RHBDL2: variants seen among roughly 807,000 people sequenced by gnomAD.
The protein encoded by RHBDL2 is rhomboid like 2, also known as rhomboid-related protein 2.
RHBDL2 carries 26 observed loss-of-function variants against 31.7 expected under a neutral mutation model. That is an observed-to-expected ratio of 0.82 (90% CI 0.60 to 1.14). RHBDL2 has a LOEUF of 1.14. Ranked by LOEUF, RHBDL2 falls within the 50% of genes most tolerant of loss-of-function variation. The pLI is 0.00. For synonymous variants in RHBDL2, 123 were observed against 127.2 expected, an observed-to-expected ratio of 0.97 and a Z score of 0.22; for missense variants, 336 against 364.4, an observed-to-expected ratio of 0.92 and a Z score of 0.63.
At chr1:38,905,209 A>G (rs1019223300) in intron 4 of RHBDL2, among the ~76,000 whole-genome samples, 2 of 148,882 alleles carry the variant, frequency 1.3e-5, no homozygotes, top group Non-Finnish European at 3.0e-5. Flanking sequence ...CTGGCATTAC[A>G]AGCATGAGCC....
chr1:38,921,538 G>A (rs1210377808), intron 1 of RHBDL2, among the ~76,000 whole-genome samples: 2 of 152,104 alleles, frequency 1.3e-5, no homozygotes, highest in Non-Finnish European at 2.9e-5. Flanking sequence ...GCATGTTACT[G>A]GGAATCAGAT....
chr1:38,918,241 T>G (rs928923943), intron 2 of RHBDL2, among the ~76,000 whole-genome samples: 8 of 152,206 alleles, frequency 5.3e-5, no homozygotes, highest in African/African-American at 1.9e-4. Flanking sequence ...AGCTGAGGCA[T>G]CAGTGCATCA....
intron 3 of RHBDL2, among the ~76,000 whole-genome samples, chr1:38,913,178 T>C (rs144567658): frequency 0.05 from 7,589 of 151,924 alleles, 242 homozygotes; most frequent in Non-Finnish European, 0.062. Flanking sequence ...AGACGGGGTT[T>C]CACCATGTTG....
chr1:38,922,950 G>A (rs1179592746), intron 1 of RHBDL2, among the ~76,000 whole-genome samples: 1 of 152,018 alleles, frequency 6.6e-6, no homozygotes, highest in African/African-American at 2.4e-5. Context: ...AATTAGCTGG[G>A]CATGGTAGCA....
intron 1 of RHBDL2, among the ~76,000 whole-genome samples, chr1:38,927,309 C>T (rs1220332436): frequency 1.3e-5 from 2 of 152,150 alleles, no homozygotes; most frequent in Non-Finnish European, 2.9e-5. Flanking sequence ...CGCCTGTAGT[C>T]CCAGCTACTC....
chr1:38,891,466 A>T (rs1642853833), intron 6 of RHBDL2, among the ~76,000 whole-genome samples: 1 of 152,174 alleles, frequency 6.6e-6, no homozygotes, highest in Non-Finnish European at 1.5e-5. Context: ...AAGCAGACTG[A>T]CTGAAGACCC....
chr1:38,923,697 G>A (rs1208786003), intron 1 of RHBDL2, among the ~76,000 whole-genome samples: 1 of 152,188 alleles, frequency 6.6e-6, no homozygotes, highest in Non-Finnish European at 1.5e-5. Context: ...AAATATTCAA[G>A]CATCAACATC....
In RHBDL2 at chr1:38,935,994, C is replaced by A. The variant is rs1040991143; in HGVS notation, c.-126+5688G>T. Among the ~76,000 whole-genome samples, 6 of 152,078 alleles carry A rather than the reference C, an allele frequency of 3.9e-5. No homozygotes were observed. The East Asian group carries it at 1.2e-3, about 29-fold the overall frequency. On this transcript the variant is annotated intron_variant, in intron 1 of 7. Transcript: ENST00000372990. The stretch of plus-strand genomic sequence containing the variant: ...GTGATGCAAACCCAACTCACTGAAG[C>A]CTCGACCTCTTGGGCTCAAGATATC...
At chr1:38,929,590 C>A (rs1643417722) in intron 1 of RHBDL2, 6 of 1,280,224 alleles carry the variant, frequency 4.7e-6, no homozygotes, top group Admixed American at 4.6e-5. Flanking sequence ...AGGCAGGCCC[C>A]TGCCGGGGCT....
At chr1:38,893,661 G>T (rs992270541) in intron 5 of RHBDL2, among the ~76,000 whole-genome samples, 3 of 151,216 alleles carry the variant, frequency 2.0e-5, no homozygotes, top group Middle Eastern at 3.5e-3. Context: ...CTTAATTTTT[G>T]AGGTAATTTC....
At chr1:38,898,671 A>G (rs12757585) in intron 4 of RHBDL2, among the ~76,000 whole-genome samples, 12,181 of 152,264 alleles carry the variant, frequency 0.08, 512 homozygotes, top group Middle Eastern at 0.17. Context: ...GGCAGATCTC[A>G]GCAAACTTTA....
At chr1:38,928,258 C>T (rs1475650396) in intron 1 of RHBDL2, among the ~76,000 whole-genome samples, 2 of 151,348 alleles carry the variant, frequency 1.3e-5, no homozygotes, top group African/African-American at 4.9e-5. Context: ...TCTCCTGCCT[C>T]AGTCTCTCAA....
chr1:38,902,311 T>G (rs1643003135), intron 4 of RHBDL2, among the ~76,000 whole-genome samples: 1 of 149,888 alleles, frequency 6.7e-6, no homozygotes, highest in Non-Finnish European at 1.5e-5. Context: ...GCTCAGGTGA[T>G]TTTTCTACCT....
chr1:38,898,069 T>G (rs1432673789), intron 4 of RHBDL2, among the ~76,000 whole-genome samples: 1 of 152,102 alleles, frequency 6.6e-6, no homozygotes, highest in African/African-American at 2.4e-5. Flanking sequence ...AGGTGGAGGT[T>G]GCAGTGAGCT....
At chr1:38,929,276 TG>T in intron 1 of RHBDL2, 1 of 590,884 alleles carries the variant, frequency 1.7e-6, no homozygotes, top group Non-Finnish European at 2.6e-6. Flanking sequence ...TGGGAGAAGA[TG>T]GGGCTGGGAA....
intron 6 of RHBDL2, among the ~76,000 whole-genome samples, chr1:38,888,336 C>T (rs918581214): frequency 6.7e-6 from 1 of 149,276 alleles, no homozygotes; most frequent in Non-Finnish European, 1.5e-5. Flanking sequence ...ATGGAGCTGA[C>T]AAACTGTTGG....
intron 1 of RHBDL2, among the ~76,000 whole-genome samples, chr1:38,930,409 T>C (rs188410334): frequency 6.6e-6 from 1 of 152,322 alleles, no homozygotes; most frequent in Non-Finnish European, 1.5e-5. Context: ...GGCACAAACC[T>C]GGGAATCTCA....
At chr1:38,927,962 C>G (rs967948003) in intron 1 of RHBDL2, among the ~76,000 whole-genome samples, 3 of 152,032 alleles carry the variant, frequency 2.0e-5, no homozygotes, top group Non-Finnish European at 2.9e-5. Flanking sequence ...CCAAAGCCCC[C>G]ACATGTTCCA....
intron 4 of RHBDL2, among the ~76,000 whole-genome samples, chr1:38,910,985 G>T (rs1333391120): frequency 3.4e-4 from 51 of 151,802 alleles, no homozygotes. Context: ...CACCATATTG[G>T]CCAGGCTGGT....
Sources: gnomAD v4.1 joint callset for allele counts (sites outside exome capture counted in the v4.1 genomes callset) on GRCh38, gnomAD v4.1.1 for gene constraint, MANE v1.5 for transcripts, NCBI Gene and HGNC (gene_info 2026-07-23, HGNC 2026-07-21) for gene names.